The following BTBD9 variants were observed in gnomAD, a reference collection of about 807,000 sequenced individuals.
BTBD9 encodes BTB domain containing 9.
Under a neutral mutation model 64.3 loss-of-function variants are expected in BTBD9, and 49 were observed. That is an observed-to-expected ratio of 0.76 (90% confidence interval 0.61 to 0.97). The LOEUF (loss-of-function observed/expected upper bound fraction) is 0.97. BTBD9 is among the 50% of genes least tolerant of loss of function. The probability of loss-of-function intolerance (pLI) is 0.00; values close to 1 mark genes in which losing one functional copy is unlikely to be tolerated. For missense variants in BTBD9, 598 were observed against 762.1 expected (o/e 0.78, Z 2.53); for synonymous variants, 260 against 274.7 (o/e 0.95, Z 0.53).
At chr6:38,343,820 T>C (rs1764187448) in intron 7 of BTBD9, among the ~76,000 whole-genome samples, 1 of 152,204 alleles carries the variant, frequency 6.6e-6, no homozygotes, top group African/African-American at 2.4e-5. Context: ...TTTATTAATA[T>C]TATTCTCCCA....
At chr6:38,386,046 G>A (rs1391560341) in intron 6 of BTBD9, among the ~76,000 whole-genome samples, 1 of 151,704 alleles carries the variant, frequency 6.6e-6, no homozygotes, top group Non-Finnish European at 1.5e-5. Context: ...CACCCAACTC[G>A]GCCTCCCAAA....
intron 6 of BTBD9, among the ~76,000 whole-genome samples, chr6:38,500,561 C>T (rs1376580142): frequency 2.0e-5 from 3 of 152,328 alleles, no homozygotes; most frequent in Admixed American, 6.5e-5. Context: ...TTTTCTCTAA[C>T]TCAGTATTAA....
intron 10 of BTBD9, among the ~76,000 whole-genome samples, chr6:38,176,812 A>C (rs1257098223): frequency 6.6e-6 from 1 of 152,028 alleles, no homozygotes; most frequent in Non-Finnish European, 1.5e-5. Context: ...TTCAGTAACA[A>C]CACCGCCCTG....
chr6:38,266,149 A>G (rs909726638), intron 8 of BTBD9, among the ~76,000 whole-genome samples: 2 of 152,250 alleles, frequency 1.3e-5, no homozygotes, highest in African/African-American at 4.8e-5. Flanking sequence ...ATTTTCTTAC[A>G]TGGGCTAAAC....
chr6:38,377,951 G>T (rs1434692557), intron 6 of BTBD9, among the ~76,000 whole-genome samples: 1 of 152,104 alleles, frequency 6.6e-6, no homozygotes, highest in Non-Finnish European at 1.5e-5. Context: ...AGGTGCTGCA[G>T]AATTTTGCTC....
chr6:38,498,508 G>A (rs1419250910), intron 6 of BTBD9, among the ~76,000 whole-genome samples: 1 of 146,876 alleles, frequency 6.8e-6, no homozygotes, highest in Non-Finnish European at 1.5e-5. Context: ...AAGGATGTAA[G>A]AGGAATACTA....
At chr6:38,345,464 G>A (rs1764242636) in intron 6 of BTBD9, among the ~76,000 whole-genome samples, 1 of 152,236 alleles carries the variant, frequency 6.6e-6, no homozygotes, top group African/African-American at 2.4e-5. Context: ...GGTTAGGAAT[G>A]TGCTGGAGCA....
intron 6 of BTBD9, among the ~76,000 whole-genome samples, chr6:38,464,494 T>TCTTTG (rs1770252271): frequency 6.6e-6 from 1 of 151,856 alleles, no homozygotes; most frequent in Non-Finnish European, 1.5e-5. Flanking sequence ...AATTTTCTTT[T>TCTTTG]CTTTTCTTTT....
chr6:38,291,736 G>A (rs376028627), intron 7 of BTBD9, among the ~76,000 whole-genome samples: 40 of 152,142 alleles, frequency 2.6e-4, no homozygotes, highest in Admixed American at 9.2e-4. Context: ...CCTTTTCTGC[G>A]TCTATTGAGA....
intron 6 of BTBD9, among the ~76,000 whole-genome samples, chr6:38,392,119 G>A (rs1766446805): frequency 1.3e-5 from 2 of 152,086 alleles, no homozygotes; most frequent in Non-Finnish European, 1.5e-5. Context: ...CTGAGTTTCT[G>A]GAGCAAAGTC....
intron 9 of BTBD9, among the ~76,000 whole-genome samples, chr6:38,250,216 C>G (rs1332202490): frequency 6.6e-6 from 1 of 152,036 alleles, no homozygotes; most frequent in Non-Finnish European, 1.5e-5. Flanking sequence ...ATTGAGGAAA[C>G]AGTGTTACTA....
At chr6:38,284,657 G>A (rs185207393) in intron 8 of BTBD9, among the ~76,000 whole-genome samples, 1 of 152,146 alleles carries the variant, frequency 6.6e-6, no homozygotes, top group East Asian at 1.9e-4. Flanking sequence ...TATGTATCAG[G>A]TATGGCTGGG....
At chr6:38,424,286 T>C (rs1248011171) in intron 6 of BTBD9, among the ~76,000 whole-genome samples, 4 of 151,868 alleles carry the variant, frequency 2.6e-5, no homozygotes, top group African/African-American at 7.3e-5. Context: ...TGAAAATTCA[T>C]CATACAAGGT....
intron 6 of BTBD9, among the ~76,000 whole-genome samples, chr6:38,405,504 T>G (rs9394496): frequency 0.057 from 8,732 of 152,146 alleles, 725 homozygotes; most frequent in East Asian, 0.33. Context: ...AAAATCAGAT[T>G]CATATTCAGA....
chr6:38,606,984 T>C (rs1380202125), intron 1 of BTBD9, among the ~76,000 whole-genome samples: 4 of 152,192 alleles, frequency 2.6e-5, no homozygotes, highest in Admixed American at 6.5e-5. Flanking sequence ...TCTAGACCTG[T>C]CAGCTAACTC....
chr6:38,511,409 C>T (rs932509152), intron 6 of BTBD9, among the ~76,000 whole-genome samples: 34 of 141,486 alleles, frequency 2.4e-4, no homozygotes, highest in South Asian at 9.0e-4. Context: ...GTGGCATGAT[C>T]GTGGGTCACT....
chr6:38,509,166 T>C (rs1252216373), intron 6 of BTBD9, among the ~76,000 whole-genome samples: 1 of 152,188 alleles, frequency 6.6e-6, no homozygotes, highest in Non-Finnish European at 1.5e-5. Flanking sequence ...TGCTGACACA[T>C]GGAGGTTACT....
chr6:38,470,741 C>T (rs779842661), intron 6 of BTBD9, among the ~76,000 whole-genome samples: 1 of 152,180 alleles, frequency 6.6e-6, no homozygotes, highest in African/African-American at 2.4e-5. Context: ...CTAAAGCATG[C>T]GCAGCACTCT....
At chr6:38,481,431 T>A (rs1262096958) in intron 6 of BTBD9, among the ~76,000 whole-genome samples, 14 of 152,164 alleles carry the variant, frequency 9.2e-5, no homozygotes, top group Non-Finnish European at 5.9e-5. Context: ...AGGCCGCACA[T>A]CGTAAAGTGT....
Sources: allele counts gnomAD v4.1 joint callset (sites outside exome capture counted in the v4.1 genomes callset), GRCh38; gene constraint gnomAD v4.1.1; transcripts MANE v1.5; gene names NCBI Gene and HGNC (gene_info 2026-07-23, HGNC 2026-07-21).